DNAJA3: variants seen among roughly 807,000 people sequenced by gnomAD.
DNAJA3 encodes DnaJ heat shock protein family (Hsp40) member A3.
A neutral mutation model predicts 54.9 loss-of-function variants in DNAJA3; 29 were observed. The observed-to-expected ratio is 0.53, with a 90% confidence interval of 0.39 to 0.72. The LOEUF is 0.72. Among genes scored for constraint, DNAJA3 ranks in the 30% least tolerant of loss-of-function variants. The probability of loss-of-function intolerance (pLI) is 0.00; values close to 1 mark genes in which losing one functional copy is unlikely to be tolerated. For synonymous variants in DNAJA3, 302 were observed against 251.4 expected, an observed-to-expected ratio of 1.20 and a Z score of -1.90; for missense variants, 708 against 639.4, an observed-to-expected ratio of 1.11 and a Z score of -1.16.
At chr16:4,430,385 A>C (rs2056682075) in intron 1 of DNAJA3, 1 of 151,890 alleles carries the variant, frequency 6.6e-6, no homozygotes. Flanking sequence ...AAGATGGCCA[A>C]AGCTTGTCTC....
rs774276785 is a variant in DNAJA3, at chr16:4,434,363, T to C, written c.212-21T>C. 5 of 1,610,676 alleles carry C rather than the reference T, an allele frequency of 3.1e-6. No homozygotes were observed. In the South Asian group the frequency reaches 5.5e-5, roughly 18 times the overall value. The stretch of plus-strand genomic sequence containing the variant: ...GTTGAGAACATTCCCAGAGTGATTT[T>C]CTTTGTTTTTTCCTTTTTAGGAACA... On this transcript the variant is annotated intron_variant, in intron 1 of 11. Coordinates refer to ENST00000262375, the MANE Select transcript of DNAJA3 (RefSeq NM_005147.6).
chr16:4,439,799 C>T (rs1366425255), intron 3 of DNAJA3, among the ~76,000 whole-genome samples: 1 of 152,158 alleles, frequency 6.6e-6, no homozygotes, highest in Non-Finnish European at 1.5e-5. Flanking sequence ...TCCTCCTTTG[C>T]ATCTTAACTG....
intron 2 of DNAJA3, 97 bp downstream of exon 2, chr16:4,434,614 TA>T: frequency 7.3e-7 from 1 of 1,376,292 alleles, no homozygotes; most frequent in African/African-American, 1.5e-5. Context: ...CCCATATGAA[TA>T]GGTCTCATGA....
chr16:4,439,516 C>T (rs2056814338), intron 3 of DNAJA3, among the ~76,000 whole-genome samples: 1 of 152,082 alleles, frequency 6.6e-6, no homozygotes, highest in African/African-American at 2.4e-5. Flanking sequence ...CCCCACTGCA[C>T]CCAGAAGATT....
At chr16:4,443,276 G>C in intron 6 of DNAJA3, 112 bp downstream of exon 6, 1 of 1,355,996 alleles carries the variant, frequency 7.4e-7, no homozygotes, top group Non-Finnish European at 9.9e-7. Context: ...CTGAGTGTGA[G>C]TGGGCTCTTG....
intron 1 of DNAJA3, among the ~76,000 whole-genome samples, chr16:4,429,239 T>C (rs938028663): frequency 2.0e-5 from 3 of 151,044 alleles, no homozygotes; most frequent in African/African-American, 7.3e-5. Flanking sequence ...GTAGCCAGGC[T>C]GGAGTGCAGT....
At chr16:4,453,651 C>T (rs1216578104) in intron 10 of DNAJA3, among the ~76,000 whole-genome samples, 1 of 152,088 alleles carries the variant, frequency 6.6e-6, no homozygotes, top group Non-Finnish European at 1.5e-5. Context: ...AGGCCGGTCT[C>T]GAACTCCTGA....
rs547831440 is a variant in DNAJA3 at position 4,430,330 on chromosome 16, G to C, written c.212-4054G>C. Among the ~76,000 whole-genome samples the C allele has an allele frequency of 2.0e-5, 3 of 152,092 alleles. No individual in the cohort carries two copies. In the East Asian group the frequency reaches 5.8e-4, roughly 30 times the overall value. On this transcript the variant is annotated intron_variant, in intron 1 of 11. Transcript: ENST00000262375. Reference sequence around the variant, plus strand: ...TGCCTGCAATCCCATTACTTTGGGAGGTGGGTTGATCGCCTGAGGTCAGGA... The same window carrying C: ...TGCCTGCAATCCCATTACTTTGGGACGTGGGTTGATCGCCTGAGGTCAGGA...
chr16:4,441,190 T>C, intron 3 of DNAJA3, 185 bp from the exon 4 acceptor site: 1 of 596,904 alleles, frequency 1.7e-6, no homozygotes, highest in Non-Finnish European at 3.0e-6. Context: ...ACACTTAGCA[T>C]TCAGTTTGGT....
intron 10 of DNAJA3, among the ~76,000 whole-genome samples, chr16:4,454,196 A>G (rs551484500): frequency 6.6e-6 from 1 of 152,180 alleles, no homozygotes; most frequent in Admixed American, 6.5e-5. Context: ...TGACTCCCAC[A>G]TGGGCTGTTC....
rs972221447 is a variant in DNAJA3, at chr16:4,450,498, G to A, written c.1339+1G>A. ...AACGGCGTCACCCTCACCAGCTCTGGTAAGGAGTCTGAAGACTACATGGTG... is the reference window on the plus strand; with the variant it reads ...AACGGCGTCACCCTCACCAGCTCTGATAAGGAGTCTGAAGACTACATGGTG... On this transcript the variant is annotated splice_donor_variant, in intron 10 of 11. Coordinates refer to ENST00000262375, the MANE Select transcript of DNAJA3 (RefSeq NM_005147.6). LOFTEE classifies it high-confidence loss of function. The A allele has an allele frequency of 6.2e-7, 1 of 1,604,656 alleles. No homozygotes were observed. Among genetic ancestry groups the A allele is most frequent in the South Asian group, 1.1e-5 (1 of 89,074 alleles).
At chr16:4,442,758 C>T (rs2056852203) in intron 5 of DNAJA3, 1 of 565,778 alleles carries the variant, frequency 1.8e-6, no homozygotes, top group Admixed American at 3.4e-5. Flanking sequence ...TCTTCAGGTA[C>T]TTCTGTAGAC....
Position 4,450,475 on chromosome 16 carries a change from C to A in DNAJA3, c.1317C>A (p.Asn439Lys). Residue 439 changes from asparagine to lysine, a missense_variant, in exon 10 of 12, where the codon AAC (asparagine) becomes AAA (lysine). Transcript: ENST00000262375. The part of the protein sequence containing the change: ...EDETDVEGTV[N>K]GVTLTSSGGS... ...AGACAGATGTGGAGGGGACGGTGAACGGCGTCACCCTCACCAGCTCTGGTA... is the reference window on the plus strand; with the variant it reads ...AGACAGATGTGGAGGGGACGGTGAAAGGCGTCACCCTCACCAGCTCTGGTA... The A allele has an allele frequency of 1.2e-6, 2 of 1,610,284 alleles. No homozygotes were observed. Among genetic ancestry groups the A allele is most frequent in the Non-Finnish European group, 1.7e-6 (2 of 1,178,624 alleles).
At chr16:4,451,621 G>A (rs1428456340) in intron 10 of DNAJA3, among the ~76,000 whole-genome samples, 2 of 151,810 alleles carry the variant, frequency 1.3e-5, no homozygotes, top group Non-Finnish European at 2.9e-5. Context: ...GCTGGGTATG[G>A]TGGTGCATGC....
chr16:4,438,668 G>T (rs1271502851), intron 3 of DNAJA3, among the ~76,000 whole-genome samples: 58 of 140,328 alleles, frequency 4.1e-4, no homozygotes, highest in African/African-American at 1.6e-3. Flanking sequence ...TAAGAGACAG[G>T]GTCCCTCTAT....
At chr16:4,445,976 C>T (rs1009611854) in intron 7 of DNAJA3, among the ~76,000 whole-genome samples, 13 of 150,480 alleles carry the variant, frequency 8.6e-5, no homozygotes, top group African/African-American at 3.2e-4. Context: ...GTCTGGAGTG[C>T]AGTGGCATGA....
chr16:4,443,759 C>T (rs1043123207), intron 6 of DNAJA3, among the ~76,000 whole-genome samples: 12 of 152,092 alleles, frequency 7.9e-5, no homozygotes, highest in Admixed American at 2.6e-4. Context: ...CGATCTCGGC[C>T]CACTGCAAGC....
At chr16:4,444,351 T>C (rs1292063009) in intron 6 of DNAJA3, among the ~76,000 whole-genome samples, 4 of 151,334 alleles carry the variant, frequency 2.6e-5, no homozygotes, top group African/African-American at 9.7e-5. Flanking sequence ...TTTTCTTTTT[T>C]TTTTTTTTTT....
intron 10 of DNAJA3, 23 bp from the exon 11 acceptor site, chr16:4,454,778 ATGACGCCAGT>A: frequency 6.5e-7 from 1 of 1,537,570 alleles, no homozygotes; most frequent in Non-Finnish European, 9.0e-7. Flanking sequence ...GTGCAGGCCC[ATGACGCCAGT>A]TCTTTCTGCT....
Sources: allele counts gnomAD v4.1 joint callset (sites outside exome capture counted in the v4.1 genomes callset), GRCh38; gene constraint gnomAD v4.1.1; transcripts MANE v1.5; gene names NCBI Gene and HGNC (gene_info 2026-07-23, HGNC 2026-07-21).